DNAH7: variants seen among roughly 807,000 people sequenced by gnomAD.
DNAH7 encodes the protein dynein axonemal heavy chain 7.
A neutral mutation model predicts 444.6 loss-of-function variants in DNAH7; 397 were observed. The observed-to-expected ratio is 0.89, with a 90% CI of 0.82 to 0.97. The LOEUF (loss-of-function observed/expected upper bound fraction) is 0.97. DNAH7 is among the 50% of genes least tolerant of loss of function. The pLI is 0.00. For synonymous variants in DNAH7, 1,636 were observed against 1,624.4 expected (o/e 1.01, Z -0.17); for missense variants, 4,902 against 4,800.8 (o/e 1.02, Z -0.62).
chr2:195,772,419 T>A (rs965044041), intron 60 of DNAH7, among the ~76,000 whole-genome samples: 1 of 152,208 alleles, frequency 6.6e-6, no homozygotes, highest in Non-Finnish European at 1.5e-5. Context: ...GGAAGAGTTA[T>A]GGACGAAAGA....
intron 24 of DNAH7, among the ~76,000 whole-genome samples, chr2:195,913,869 C>A (rs1051106500): frequency 1.3e-5 from 2 of 152,214 alleles, no homozygotes; most frequent in African/African-American, 2.4e-5. Context: ...GTGCCCACCA[C>A]CATGCCCAGC....
intron 19 of DNAH7, 121 bp downstream of exon 19, chr2:195,957,140 A>T (rs1690721589): frequency 1.2e-6 from 1 of 807,522 alleles, no homozygotes; most frequent in Non-Finnish European, 1.8e-6. Flanking sequence ...CTGAAAAGAC[A>T]ATGTATGTAT....
At chr2:195,814,269 C>A (rs775983553) in intron 51 of DNAH7, among the ~76,000 whole-genome samples, 1 of 152,108 alleles carries the variant, frequency 6.6e-6, no homozygotes, top group Non-Finnish European at 1.5e-5. Context: ...TTTAGTATTA[C>A]GGCAGACATA....
At chr2:195,973,253 G>A (rs1519599) in intron 15 of DNAH7, among the ~76,000 whole-genome samples, 4,774 of 152,116 alleles carry the variant, frequency 0.031, 248 homozygotes, top group African/African-American at 0.11. Context: ...ACATTTCTTC[G>A]TTAGTTCCAG....
At chr2:195,739,297 C>T (rs1222605038) in intron 64 of DNAH7, among the ~76,000 whole-genome samples, 1 of 152,142 alleles carries the variant, frequency 6.6e-6, no homozygotes, top group African/African-American at 2.4e-5. Context: ...AGCTTTCTCG[C>T]AATTGGCTGT....
intron 25 of DNAH7, among the ~76,000 whole-genome samples, chr2:195,907,243 T>A (rs79222922): frequency 6.6e-6 from 1 of 150,822 alleles, no homozygotes; most frequent in Admixed American, 6.6e-5. Flanking sequence ...CTTTCTGCAT[T>A]TTTTTTTTAG....
intron 60 of DNAH7, among the ~76,000 whole-genome samples, chr2:195,774,480 CCTT>C (rs57409525): frequency 0.45 from 68,367 of 151,876 alleles, 16,577 homozygotes; most frequent in Non-Finnish European, 0.56. Flanking sequence ...TCCACATTAT[CCTT>C]CTAATTTTTA....
intron 62 of DNAH7, 89 bp downstream of exon 62, chr2:195,756,042 TAG>T (rs1331703614): frequency 1.2e-5 from 16 of 1,339,300 alleles, no homozygotes; most frequent in Non-Finnish European, 1.6e-5. Flanking sequence ...ACAGAAAAAC[TAG>T]AGAGTAATAC....
chr2:196,051,783 T>C (rs539803061), intron 2 of DNAH7, among the ~76,000 whole-genome samples: 1 of 151,644 alleles, frequency 6.6e-6, no homozygotes, highest in African/African-American at 2.4e-5. Context: ...AAAAAATAAA[T>C]AAAAAATAAC....
rs532347541 is a variant in DNAH7, at chr2:196,029,535, G to A, written c.399-1488C>T. ...CTCCTCACCGAGAGCAATAATAATGGCAGCTTTTTATTGATTACCTACTCA... is the reference window on the plus strand; with the variant it reads ...CTCCTCACCGAGAGCAATAATAATGACAGCTTTTTATTGATTACCTACTCA... On this transcript the variant is annotated intron_variant, in intron 5 of 64. Coordinates refer to ENST00000312428, the MANE Select transcript of DNAH7 (RefSeq NM_018897.3). Among the ~76,000 whole-genome samples, 3 of 151,780 alleles carry A rather than the reference G, an allele frequency of 2.0e-5. No homozygotes were observed. In the East Asian group the frequency reaches 5.8e-4, roughly 29 times the overall value.
In DNAH7 at chr2:195,877,560, C is replaced by T. The variant is rs148937470; in HGVS notation, c.5962-861G>A. Reference sequence around the variant, plus strand: ...GATGTGATTATACACTAAACATTACCATAATTAAGCAAATGGAAATTCTGA... The same window carrying T: ...GATGTGATTATACACTAAACATTACTATAATTAAGCAAATGGAAATTCTGA... On this transcript the variant is annotated intron_variant, in intron 36 of 64. Coordinates refer to ENST00000312428, the MANE Select transcript of DNAH7 (RefSeq NM_018897.3). 7.6e-4 allele frequency among the ~76,000 whole-genome samples: 116 copies of T among 152,234 alleles called. No homozygotes were observed. In the East Asian group the frequency reaches 0.02, roughly 26 times the overall value.
At chr2:196,031,626 AC>A (rs2125797115) in intron 5 of DNAH7, among the ~76,000 whole-genome samples, 1 of 152,222 alleles carries the variant, frequency 6.6e-6, no homozygotes, top group Admixed American at 6.5e-5. Flanking sequence ...TCCACCAGAT[AC>A]CTTAAATCAT....
At position 195,852,033 on chromosome 2, in the gene DNAH7, C is replaced by A. The variant is rs1414787656; in HGVS notation, c.8781+1310G>T. On this transcript the variant is annotated intron_variant, in intron 46 of 64. Coordinates refer to ENST00000312428, the MANE Select transcript of DNAH7 (RefSeq NM_018897.3). ...CGGCACTTTGGGAGGGCAAGGTGGG[C>A]AGATCATAAGGTCAGGAGATTGAGA... Among the ~76,000 whole-genome samples, 4 of 152,112 alleles carry A rather than the reference C, an allele frequency of 2.6e-5. No individual in the cohort carries two copies. The East Asian group carries it at 7.7e-4, about 29-fold the overall frequency.
In DNAH7 at chr2:195,864,355, A is replaced by G. The variant is rs769041604; in HGVS notation, c.7300T>C (p.Cys2434Arg). The change falls in exon 41 of 65, where the codon TGT becomes CGT. Residue 2434 changes from cysteine to arginine, a missense_variant. Coordinates refer to ENST00000312428, the MANE Select transcript of DNAH7 (RefSeq NM_018897.3). The stretch of plus-strand genomic sequence containing the variant: ...CGATCTAACTGACGCATCTTATCAC[A>G]TATCTCTTGCTTCTCATCTAATGCA... The part of the protein sequence containing the change: ...LFALDEKQEI[C>R]DKMRQLDRQR... 3 of 1,614,010 alleles carry G rather than the reference A, an allele frequency of 1.9e-6. No homozygotes were observed. The highest frequency in any genetic ancestry group is 1.3e-5 in the African/African-American group (1 of 74,906).
At chr2:195,759,675 ACC>A (rs1251855530) in intron 61 of DNAH7, among the ~76,000 whole-genome samples, 1 of 151,834 alleles carries the variant, frequency 6.6e-6, no homozygotes, top group African/African-American at 2.4e-5. Flanking sequence ...ACATGGTGAA[ACC>A]CCGTCTCTAC....
chr2:196,004,161 A>C (rs955301186), intron 10 of DNAH7, among the ~76,000 whole-genome samples: 7 of 152,236 alleles, frequency 4.6e-5, no homozygotes, highest in African/African-American at 1.7e-4. Context: ...TACTTTCTCA[A>C]CAAAAGGGAG....
chr2:195,947,105 AATAT>A (rs987388682), intron 19 of DNAH7, among the ~76,000 whole-genome samples: 1 of 147,898 alleles, frequency 6.8e-6, no homozygotes, highest in Non-Finnish European at 1.5e-5. Context: ...ATATAATTAT[AATAT>A]ATATAATTAT....
chr2:195,998,552 G>A (rs1444500825), intron 12 of DNAH7, among the ~76,000 whole-genome samples: 3 of 146,306 alleles, frequency 2.1e-5, no homozygotes, highest in African/African-American at 7.6e-5. Context: ...GTAACAGAGC[G>A]AGACTCCAAC....
chr2:195,777,883 T>C lies in DNAH7; in HGVS notation c.10981A>G (p.Lys3661Glu), dbSNP rs759355810. 1.4e-5 allele frequency: 22 copies of C among 1,614,090 alleles called. No individual in the cohort carries two copies. The highest frequency in any genetic ancestry group is 3.4e-6 in the Non-Finnish European group (4 of 1,180,028). ...DRRTLRSILN[K>E]FFNPELVENS... ...TCAACTAATTCGGGATTGAAGAATT[T>C]GTTTAGAATGCTGCGCAGCGTGCGC... is the stretch of plus-strand genomic sequence containing the variant. Residue 3661 changes from lysine (K) to glutamate (E), a missense_variant, in exon 59 of 65, where the codon AAA becomes GAA. By Grantham distance (56) the Lys-to-Glu change is moderately conservative. Coordinates refer to ENST00000312428, the MANE Select transcript of DNAH7 (RefSeq NM_018897.3).
Sources: gnomAD v4.1 joint callset for allele counts (sites outside exome capture counted in the v4.1 genomes callset) on GRCh38, gnomAD v4.1.1 for gene constraint, MANE v1.5 for transcripts, NCBI Gene and HGNC (gene_info 2026-07-23, HGNC 2026-07-21) for gene names.